The following DPH6 variants were observed in gnomAD, a reference collection of about 807,000 sequenced individuals.
The protein encoded by DPH6 is diphthamine biosynthesis 6.
Under a neutral mutation model 38.2 loss-of-function variants are expected in DPH6, and 33 were observed. The observed-to-expected ratio is 0.86, with a 90% confidence interval of 0.65 to 1.15. DPH6 has a LOEUF of 1.15. Among genes scored for constraint, DPH6 ranks in the 50% most tolerant of loss-of-function variants. DPH6 has a pLI of 0.00. For missense variants in DPH6, 325 were observed against 320.0 expected, an observed-to-expected ratio of 1.02 and a Z score of -0.12; for synonymous variants, 108 against 103.0, an observed-to-expected ratio of 1.05 and a Z score of -0.30.
chr15:35,479,713 G>A (rs1400473021), intron 3 of DPH6, among the ~76,000 whole-genome samples: 1 of 151,984 alleles, frequency 6.6e-6, no homozygotes, highest in Non-Finnish European at 1.5e-5. Context: ...GTTAATGCCT[G>A]CTCCCTTTGA....
intron 3 of DPH6, among the ~76,000 whole-genome samples, chr15:35,528,036 T>A (rs184170035): frequency 2.8e-4 from 42 of 152,258 alleles, no homozygotes; most frequent in Non-Finnish European, 5.0e-4. Flanking sequence ...GGCTACAGAA[T>A]CTATTAAGAC....
Position 35,249,982 on chromosome 15 carries a change from C to T in DPH6, n.201-29400G>A, listed in dbSNP as rs997617241. Among the ~76,000 whole-genome samples, 7 of 149,544 alleles carry T rather than the reference C, an allele frequency of 4.7e-5. No homozygotes were observed. In the East Asian group the frequency reaches 9.8e-4, roughly 21 times the overall value. ...ATCGAAACCATCCTGGCTAACACGG[C>T]GAAACACCATCTCTACTAAAAATAT... is the stretch of plus-strand genomic sequence containing the variant. On this transcript the variant is annotated intron_variant and non_coding_transcript_variant, in intron 3 of 3. Coordinates refer to the DPH6 transcript ENST00000560386.
At chr15:35,442,208 T>C (rs1052544056) in intron 5 of DPH6, among the ~76,000 whole-genome samples, 1 of 152,114 alleles carries the variant, frequency 6.6e-6, no homozygotes, top group African/African-American at 2.4e-5. Flanking sequence ...AATTAAAATA[T>C]AGGCAAAGGA....
chr15:35,183,051 C>A, the DPH6 span, among the ~76,000 whole-genome samples: 2 of 152,220 alleles, frequency 1.3e-5, no homozygotes, highest in South Asian at 2.1e-4. Context: ...ACCACCTGAG[C>A]TTCTGCCCTT....
At chr15:35,179,581 T>C in the DPH6 span, among the ~76,000 whole-genome samples, 2 of 152,200 alleles carry the variant, frequency 1.3e-5, no homozygotes, top group African/African-American at 2.4e-5. Context: ...TTTAAATACA[T>C]ACATAATACA....
chr15:35,424,973 T>C (rs968714815), intron 5 of DPH6, among the ~76,000 whole-genome samples: 1 of 151,602 alleles, frequency 6.6e-6, no homozygotes, highest in African/African-American at 2.4e-5. Flanking sequence ...TCAGACCCTG[T>C]GTTGTGAGAT....
chr15:35,335,584 G>T (rs998531732), intron 3 of DPH6, among the ~76,000 whole-genome samples: 1 of 152,148 alleles, frequency 6.6e-6, no homozygotes, highest in Non-Finnish European at 1.5e-5. Flanking sequence ...GTATAAGGAA[G>T]GGGTCCAGTT....
intron 5 of DPH6, among the ~76,000 whole-genome samples, chr15:35,436,262 C>A (rs535956453): frequency 6.6e-6 from 1 of 151,654 alleles, no homozygotes; most frequent in East Asian, 2.0e-4. Context: ...GTCAGGAGAT[C>A]AAGACCATCT....
At chr15:35,417,870 T>C (rs1255187211) in intron 5 of DPH6, among the ~76,000 whole-genome samples, 3 of 152,082 alleles carry the variant, frequency 2.0e-5, no homozygotes, top group Non-Finnish European at 4.4e-5. Flanking sequence ...CAGTATGCTT[T>C]AAAAATCTCT....
intron 3 of DPH6, among the ~76,000 whole-genome samples, chr15:35,221,768 T>C (rs1043523685): frequency 2.0e-5 from 3 of 152,242 alleles, no homozygotes; most frequent in African/African-American, 7.2e-5. Flanking sequence ...ATTCTTTATA[T>C]GGCCAGGTGT....
the DPH6 span, among the ~76,000 whole-genome samples, chr15:35,166,753 TG>T: frequency 6.6e-6 from 1 of 151,910 alleles, no homozygotes; most frequent in Non-Finnish European, 1.5e-5. Context: ...AAAAGGATGA[TG>T]AAAAAAATGT....
chr15:35,397,868 TACACACACACACACACACAC>T (rs57530358), intron 6 of DPH6, among the ~76,000 whole-genome samples: 2 of 87,310 alleles, frequency 2.3e-5, no homozygotes, highest in African/African-American at 4.6e-5. Context: ...TTTATATATA[TACACACACACACACACACAC>T]ACACACACAC....
intron 3 of DPH6, among the ~76,000 whole-genome samples, chr15:35,276,770 T>C (rs953185501): frequency 1.3e-5 from 2 of 152,214 alleles, no homozygotes; most frequent in African/African-American, 4.8e-5. Flanking sequence ...GGGTTCTCTA[T>C]TCTGTTCCAT....
intron 3 of DPH6, among the ~76,000 whole-genome samples, chr15:35,537,201 G>A (rs988382326): frequency 6.6e-6 from 1 of 152,048 alleles, no homozygotes; most frequent in Non-Finnish European, 1.5e-5. Flanking sequence ...GTAGCTACTT[G>A]AAACTAGAAA....
At chr15:35,379,876 G>A (rs1041503317) in intron 7 of DPH6, among the ~76,000 whole-genome samples, 13 of 152,084 alleles carry the variant, frequency 8.5e-5, no homozygotes, top group Admixed American at 4.6e-4. Flanking sequence ...AAGCACTGGA[G>A]GCAATGGCAG....
intron 3 of DPH6, among the ~76,000 whole-genome samples, chr15:35,319,979 GT>G (rs1467175239): frequency 6.6e-6 from 1 of 152,014 alleles, no homozygotes; most frequent in East Asian, 1.9e-4. Context: ...CTCTTTTCCT[GT>G]TTGCCATTTT....
At position 35,308,611 on chromosome 15, in the gene DPH6, T is replaced by C. The variant is rs568378069; in HGVS notation, n.200+64910A>G. Among the ~76,000 whole-genome samples, 68 of 152,192 alleles carry C rather than the reference T, an allele frequency of 4.5e-4. 1 individual carries two copies. The highest frequency in any genetic ancestry group is 1.5e-3 in the African/African-American group (64 of 41,524). The stretch of plus-strand genomic sequence containing the variant: ...ATTGGAAAGACAATTCCTACCGAAA[T>C]GAGTTTATACCTATACCCAGAGAAG... On this transcript the variant is annotated intron_variant and non_coding_transcript_variant, in intron 3 of 3. Transcript: ENST00000560386.
chr15:35,489,278 A>C (rs1415379344), intron 3 of DPH6: 1 of 958,236 alleles, frequency 1.0e-6, no homozygotes. Flanking sequence ...AAACCTGTCT[A>C]TTCAAAGAAA....
chr15:35,389,350 A>G (rs1464513321), intron 6 of DPH6, among the ~76,000 whole-genome samples: 1 of 152,210 alleles, frequency 6.6e-6, no homozygotes, highest in African/African-American at 2.4e-5. Flanking sequence ...GTAGATGTCT[A>G]TTAGGTCTGC....
Sources: allele counts gnomAD v4.1 joint callset (sites outside exome capture counted in the v4.1 genomes callset), GRCh38; gene constraint gnomAD v4.1.1; transcripts MANE v1.5; gene names NCBI Gene and HGNC (gene_info 2026-07-23, HGNC 2026-07-21).